Variants in GFPT1 observed in about 807,000 individuals in gnomAD.
The protein encoded by GFPT1 is glutamine--fructose-6-phosphate aminotransferase [isomerizing] 1.
In GFPT1, 40 loss-of-function variants were observed where a neutral mutation model predicts 92.0. The ratio of observed to expected loss-of-function variants is 0.43; its 90% confidence interval spans 0.34 to 0.57. The LOEUF is 0.57. GFPT1 is among the 20% of genes least tolerant of loss of function. The pLI, the probability that GFPT1 is intolerant of heterozygous loss-of-function variation, is 0.02. For missense variants in GFPT1, 448 were observed against 869.1 expected (o/e 0.52, Z 6.09); for synonymous variants, 269 against 280.6 (o/e 0.96, Z 0.41).
In GFPT1 at chr2:69,350,060, T is replaced by G. The variant is rs373520133; in HGVS notation, c.845+18A>C. On this transcript the variant is annotated intron_variant, in intron 10 of 19. Coordinates refer to ENST00000357308, the MANE Select transcript of GFPT1 (RefSeq NM_001244710.2). Reference sequence around the variant, plus strand: ...AAGTTTTACTAAAAATCTCTTTGAATCAACTAAGGAAGCTCACCTTGCATC... The same window carrying G: ...AAGTTTTACTAAAAATCTCTTTGAAGCAACTAAGGAAGCTCACCTTGCATC... 8.5e-5 allele frequency: 129 copies of G among 1,526,002 alleles called. No individual in the cohort carries two copies. Among genetic ancestry groups the G allele is most frequent in the Non-Finnish European group, 1.2e-4 (128 of 1,099,844 alleles). 94.5% of individuals were successfully genotyped at this position (1,526,002 alleles called of 1,614,324 possible).
intron 9 of GFPT1, among the ~76,000 whole-genome samples, chr2:69,352,374 G>A (rs929530014): frequency 2.0e-5 from 3 of 152,050 alleles, no homozygotes; most frequent in African/African-American, 2.4e-5. Flanking sequence ...CAGCACTTTG[G>A]GAGGCCGAGG....
chr2:69,333,776 C>G (rs1204396533), intron 15 of GFPT1, among the ~76,000 whole-genome samples: 2 of 152,156 alleles, frequency 1.3e-5, no homozygotes, highest in Non-Finnish European at 2.9e-5. Flanking sequence ...CTAATCCTGA[C>G]AGTTTTTCAG....
At chr2:69,343,376 G>T (rs1298373732) in intron 12 of GFPT1, among the ~76,000 whole-genome samples, 1 of 151,418 alleles carries the variant, frequency 6.6e-6, no homozygotes, top group Admixed American at 6.6e-5. Context: ...ACCATTTTCA[G>T]TCTGTCTACT....
intron 7 of GFPT1, 123 bp from the exon 8 acceptor site, chr2:69,354,691 T>C (rs1478247084): frequency 1.4e-6 from 1 of 709,288 alleles, no homozygotes; most frequent in Non-Finnish European, 2.6e-6. Context: ...CAACTTCAGA[T>C]ATAAGAACTA....
In GFPT1 at chr2:69,321,320, G is replaced by A. The variant is rs1305867537; in HGVS notation, c.*4869C>T. Reference sequence around the variant, plus strand: ...GATTCTTTCCCAAACTGGGAAGTTCGGGTAGAGACAGTGGCTTTTGGTAAT... The same window carrying A: ...GATTCTTTCCCAAACTGGGAAGTTCAGGTAGAGACAGTGGCTTTTGGTAAT... On this transcript the variant is annotated 3_prime_UTR_variant, in exon 20 of 20. Coordinates refer to ENST00000357308, the MANE Select transcript of GFPT1 (RefSeq NM_001244710.2). 2 of 152,254 alleles carry A rather than the reference G, an allele frequency of 1.3e-5. No individual in the cohort carries two copies. Among genetic ancestry groups the A allele is most frequent in the East Asian group, 1.9e-4 (1 of 5,186 alleles). The allele number at this position is 152,254 out of a possible 1,614,324, so 9.4% of individuals were successfully genotyped here.
Position 69,338,471 on chromosome 2 carries a change from T to C in GFPT1, c.1298A>G (p.Asp433Gly). 6.2e-7 allele frequency: 1 copy of C among 1,613,430 alleles called. No homozygotes were observed. The highest frequency in any genetic ancestry group is 8.5e-7 in the Non-Finnish European group (1 of 1,179,410). Residue 433 changes from aspartate to glycine, a missense_variant, in exon 14 of 20, where the codon GAT (aspartate) becomes GGT (glycine). Around this residue, in one of 7 missense-constraint regions of GFPT1, gnomAD observed 121 missense variants for 304.3 expected, o/e 0.40. Coordinates refer to ENST00000357308, the MANE Select transcript of GFPT1 (RefSeq NM_001244710.2). The part of the protein sequence containing the change: ...LDRNTPVFRD[D>G]VCFFLSQSGE... ...TGATTGACTAAGGAAAAAGCAAACATCATCTCGAAAGACTGGTGTGTTTCT... is the reference window on the plus strand; with the variant it reads ...TGATTGACTAAGGAAAAAGCAAACACCATCTCGAAAGACTGGTGTGTTTCT...
chr2:69,368,954 T>C (rs1046808784), intron 3 of GFPT1, among the ~76,000 whole-genome samples: 4 of 152,196 alleles, frequency 2.6e-5, no homozygotes, highest in Non-Finnish European at 5.9e-5. Context: ...ACATCTTCAC[T>C]GACCAAATAT....
intron 3 of GFPT1, among the ~76,000 whole-genome samples, chr2:69,366,514 C>T (rs761741563): frequency 1.3e-5 from 2 of 152,064 alleles, no homozygotes; most frequent in Non-Finnish European, 2.9e-5. Context: ...AAATTAAGAC[C>T]CTTTCAAATT....
intron 1 of GFPT1, among the ~76,000 whole-genome samples, chr2:69,383,967 T>C (rs1479382917): frequency 6.6e-6 from 1 of 152,172 alleles, no homozygotes; most frequent in African/African-American, 2.4e-5. Flanking sequence ...ATCAGAAGGG[T>C]ATAACTTCAC....
intron 3 of GFPT1, among the ~76,000 whole-genome samples, chr2:69,366,207 T>A (rs577111322): frequency 2.0e-5 from 3 of 151,958 alleles, no homozygotes; most frequent in Non-Finnish European, 4.4e-5. Flanking sequence ...AGATTCTATA[T>A]ATTGAATCCA....
intron 15 of GFPT1, 40 bp from the exon 16 acceptor site, chr2:69,329,838 G>T: frequency 1.0e-6 from 1 of 984,880 alleles, no homozygotes; most frequent in Middle Eastern, 2.1e-4. Flanking sequence ...AGTTGCAGCT[G>T]CATCTGAAGA....
rs999159745 is a variant in GFPT1 at position 69,321,392 on chromosome 2, A to C, written c.*4797T>G. ...TCTTAAAATCAACAGTAATGAATAA[A>C]GTTTTGACATCAGAAATGTTTACAA... On this transcript the variant is annotated 3_prime_UTR_variant, in exon 20 of 20. Transcript: ENST00000357308. The C allele has an allele frequency of 6.6e-6, 1 of 152,268 alleles. No homozygotes were observed. The highest frequency in any genetic ancestry group is 1.5e-5 in the Non-Finnish European group (1 of 68,042). 9.4% of individuals were successfully genotyped at this position (152,268 alleles called of 1,614,324 possible).
intron 15 of GFPT1, among the ~76,000 whole-genome samples, chr2:69,333,253 CAGA>C (rs1670715734): frequency 1.3e-5 from 2 of 152,186 alleles, no homozygotes. Context: ...CCAAACTGAT[CAGA>C]TAATGAGTAT....
At chr2:69,346,229 A>G (rs1671078073) in intron 11 of GFPT1, among the ~76,000 whole-genome samples, 1 of 152,052 alleles carries the variant, frequency 6.6e-6, no homozygotes, top group South Asian at 2.1e-4. Flanking sequence ...AGTTACAACA[A>G]GTGAATGAGA....
chr2:69,356,882 C>A (rs1034156566), intron 6 of GFPT1, among the ~76,000 whole-genome samples: 1 of 151,980 alleles, frequency 6.6e-6, no homozygotes, highest in East Asian at 1.9e-4. Context: ...GGATTACAGG[C>A]ACGCACCCCC....
At position 69,387,221 on chromosome 2, in the gene GFPT1, A is replaced by T; in HGVS notation, c.-150T>A. ...GGGATGCGACGGCCAAGGCAACGAC[A>T]GCCTTCTCCGCCTCCCGGGCTCCGC... On this transcript the variant is annotated 5_prime_UTR_variant, in exon 1 of 20. Coordinates refer to ENST00000357308, the MANE Select transcript of GFPT1 (RefSeq NM_001244710.2). 1 of 813,424 alleles carries T rather than the reference A, an allele frequency of 1.2e-6. No individual in the cohort carries two copies. Among genetic ancestry groups the T allele is most frequent in the Admixed American group, 3.7e-5 (1 of 27,022 alleles). 50.4% of individuals were successfully genotyped at this position (813,424 alleles called of 1,614,324 possible).
chr2:69,367,646 C>G (rs985378881), intron 3 of GFPT1, among the ~76,000 whole-genome samples: 2 of 152,206 alleles, frequency 1.3e-5, no homozygotes, highest in Non-Finnish European at 2.9e-5. Flanking sequence ...CAAGCGTGAG[C>G]CACCACGCCC....
intron 6 of GFPT1, 56 bp from the exon 7 acceptor site, chr2:69,356,613 G>A: frequency 8.0e-7 from 1 of 1,244,226 alleles, no homozygotes; most frequent in Non-Finnish European, 1.2e-6. Context: ...AGTCAGAAAT[G>A]CCTAGAACAT....
At position 69,344,406 on chromosome 2, in the gene GFPT1, TC is replaced by T. The variant is rs554639487; in HGVS notation, c.1105+1497del. Among the ~76,000 whole-genome samples the T allele has an allele frequency of 1.4e-4, 21 of 152,192 alleles. No homozygotes were observed. In the South Asian group the frequency reaches 3.7e-3, roughly 27 times the overall value. On this transcript the variant is annotated intron_variant, in intron 12 of 19. Transcript: ENST00000357308. ...TTTGATGCTTTTGAGAAAAGCCTGA[TC>T]CCTTTTGAGATGAGGTAAGCCATCA...
Sources: allele counts gnomAD v4.1 joint callset (sites outside exome capture counted in the v4.1 genomes callset), GRCh38; gene constraint gnomAD v4.1.1; regional missense constraint gnomAD v4.1.1; transcripts MANE v1.5; gene names NCBI Gene and HGNC (gene_info 2026-07-23, HGNC 2026-07-21).